The following SEMA6B variants were observed in gnomAD, a reference collection of about 807,000 sequenced individuals.
The protein encoded by SEMA6B is semaphorin 6B.
In SEMA6B, 47 loss-of-function variants were observed where a neutral mutation model predicts 78.6. The ratio of observed to expected loss-of-function variants is 0.60; its 90% CI spans 0.47 to 0.76. The LOEUF is 0.76. Among genes scored for constraint, SEMA6B ranks in the 30% least tolerant of loss-of-function variants. The probability of loss-of-function intolerance (pLI) is 0.00; values close to 1 mark genes in which losing one functional copy is unlikely to be tolerated. For missense variants in SEMA6B, 1,213 were observed against 1,269.9 expected (o/e 0.96, Z 0.68); for synonymous variants, 632 against 592.2 (o/e 1.07, Z -0.98).
Position 4,550,402 on chromosome 19 carries a change from T to A in SEMA6B, c.1122-130A>T. On this transcript the variant is annotated intron_variant, in intron 11 of 16. Transcript: ENST00000586582. This position sits in a 1 kb window ranked among gnomAD's most constrained non-coding sequence, Gnocchi z 6.6. ...TGTTTGTTTTGTTTTTGAGACAGAG[T>A]CTCAATCTGTCGCCCAGGCTGGAGT... is the stretch of plus-strand genomic sequence containing the variant. The A allele has an allele frequency of 1.0e-6, 1 of 987,976 alleles. No individual in the cohort carries two copies. Among genetic ancestry groups the A allele is most frequent in the Non-Finnish European group, 1.5e-6 (1 of 671,244 alleles). The allele number at this position is 987,976 out of a possible 1,614,324, so 61.2% of individuals were successfully genotyped here.
In SEMA6B at chr19:4,544,244, A is replaced by G; in HGVS notation, c.2024T>C (p.Val675Ala). ...RGGGGGGGAG[V>A]PPEALLAPLM... ...GGGCGCCAGCAGGGCCTCCGGGGGAACCCCGGCGCCACCGCCACCGCCTCC... is the reference window on the plus strand; with the variant it reads ...GGGCGCCAGCAGGGCCTCCGGGGGAGCCCCGGCGCCACCGCCACCGCCTCC... Residue 675 changes from valine (V) to alanine (A), a missense_variant, in exon 17 of 17, where the codon GTT (valine) becomes GCT (alanine). Physicochemically the swap from Val to Ala is moderately conservative, Grantham distance 64. Coordinates refer to ENST00000586582, the MANE Select transcript of SEMA6B (RefSeq NM_032108.4). This position sits in a 1 kb window ranked among gnomAD's most constrained non-coding sequence, Gnocchi z 5.1. The G allele has an allele frequency of 7.8e-7, 1 of 1,276,742 alleles. No individual in the cohort carries two copies. Among genetic ancestry groups the G allele is most frequent in the Non-Finnish European group, 9.8e-7 (1 of 1,015,230 alleles). 79.1% of individuals were successfully genotyped at this position (1,276,742 alleles called of 1,614,324 possible).
Position 4,557,202 on chromosome 19 carries a change from C to G in SEMA6B, c.267G>C (p.Glu89Asp), listed in dbSNP as rs767384205. 1.3e-5 allele frequency: 21 copies of G among 1,599,964 alleles called. No individual in the cohort carries two copies. The highest frequency in any genetic ancestry group is 1.8e-5 in the Non-Finnish European group (21 of 1,172,764). ...IGDRDNLYRV[E>D]LEPPTSTELR... ...GCTCCGTGGACGTGGGGGGCTCCAG[C>G]TCTACGCGGTAGAGGTTGTCCCTGG... Residue 89 changes from glutamate (E) to aspartate (D), a missense_variant, in exon 4 of 17, where the codon GAG becomes GAC. Physicochemically the swap from Glu to Asp is conservative, Grantham distance 45. Transcript: ENST00000586582.
intron 9 of SEMA6B, among the ~76,000 whole-genome samples, chr19:4,553,905 C>T (rs1236410216): frequency 6.7e-6 from 1 of 150,162 alleles, no homozygotes; most frequent in Admixed American, 6.6e-5. Context: ...GGAAGGGTGG[C>T]TAGATGAATC....
intron 5 of SEMA6B, 116 bp downstream of exon 5, chr19:4,556,835 G>A: frequency 6.6e-6 from 6 of 913,808 alleles, no homozygotes; most frequent in Non-Finnish European, 1.0e-5. Context: ...GATTGGGGGT[G>A]GGTTGGGGCG....
Position 4,542,782 on chromosome 19 carries a change from C to T in SEMA6B, c.*819G>A. 1.4e-6 allele frequency: 1 copy of T among 700,762 alleles called. No individual in the cohort carries two copies. The highest frequency in any genetic ancestry group is 2.6e-6 in the Non-Finnish European group (1 of 384,556). 43.4% of individuals were successfully genotyped at this position (700,762 alleles called of 1,614,324 possible). A position where few individuals can be genotyped will look rare whatever the true frequency, so the allele number is the denominator to read the frequency against. On this transcript the variant is annotated 3_prime_UTR_variant, in exon 17 of 17. Coordinates refer to ENST00000586582, the MANE Select transcript of SEMA6B (RefSeq NM_032108.4). ...CGTATTTACAGAGGGGCCCCACCCA[C>T]CTTCGCCGCCCCCCAGGCCCCCAAG...
At chr19:4,553,179 G>T (rs984766571) in intron 9 of SEMA6B, among the ~76,000 whole-genome samples, 1 of 152,232 alleles carries the variant, frequency 6.6e-6, no homozygotes, top group African/African-American at 2.4e-5. Flanking sequence ...GGAGAACAAG[G>T]TAATCAAGCA....
In SEMA6B at chr19:4,559,653, G is replaced by A. The variant is rs1470767783; in HGVS notation, c.-156C>T. 6.6e-6 allele frequency: 1 copy of A among 152,228 alleles called. No individual in the cohort carries two copies. The highest frequency in any genetic ancestry group is 2.4e-5 in the African/African-American group (1 of 41,450). 9.4% of individuals were successfully genotyped at this position (152,228 alleles called of 1,614,324 possible). On this transcript the variant is annotated 5_prime_UTR_variant, in exon 1 of 17. Transcript: ENST00000586582. The stretch of plus-strand genomic sequence containing the variant: ...GTCTGAGCAGCAGGGGTATCCCCCA[G>A]CCCTGCCCTGGCCTTCTGGCTCAGG...
At chr19:4,557,735 C>A (rs2145360575) in intron 3 of SEMA6B, among the ~76,000 whole-genome samples, 1 of 152,326 alleles carries the variant, frequency 6.6e-6, no homozygotes, top group African/African-American at 2.4e-5. Flanking sequence ...CATAGCCAGC[C>A]TGGACAGCCC....
chr19:4,558,076 G>C lies in SEMA6B; in HGVS notation c.195C>G (p.Leu65=). The C allele has an allele frequency of 6.5e-7, 1 of 1,526,948 alleles. No individual in the cohort carries two copies. The highest frequency in any genetic ancestry group is 8.9e-7 in the Non-Finnish European group (1 of 1,128,710). 94.6% of individuals were successfully genotyped at this position (1,526,948 alleles called of 1,614,324 possible). A position where few individuals can be genotyped will look rare whatever the true frequency, so the allele number is the denominator to read the frequency against. The part of the protein sequence containing the change: ...RLTPAEGADD[L]NIQRVLRVNR... ...TGACCCGCAGGACTCGCTGGATGTTGAGGTCGTCAGCACCTTCTGCGGGGG... is the reference window on the plus strand; with the variant it reads ...TGACCCGCAGGACTCGCTGGATGTTCAGGTCGTCAGCACCTTCTGCGGGGG... Residue 65 remains leucine, a synonymous_variant, in exon 3 of 17, where the codon CTC becomes CTG. Coordinates refer to ENST00000586582, the MANE Select transcript of SEMA6B (RefSeq NM_032108.4). This position sits in a 1 kb window ranked among gnomAD's most constrained non-coding sequence, Gnocchi z 5.1.
rs528248825 is a variant in SEMA6B at position 4,552,292 on chromosome 19, G to A, written c.989+130C>T. On this transcript the variant is annotated intron_variant, in intron 10 of 16. Coordinates refer to ENST00000586582, the MANE Select transcript of SEMA6B (RefSeq NM_032108.4). The surrounding 1 kb of genome is among the most constrained non-coding windows in gnomAD (Gnocchi z 7.4). ...GCTTGTCCCACCCCAGCCTGGGGCC[G>A]AGGCCTCTCAGAGGTCTAATCCAGT... 69 of 890,220 alleles carry A rather than the reference G, an allele frequency of 7.8e-5. No individual in the cohort carries two copies. Among genetic ancestry groups the A allele is most frequent in the African/African-American group, 4.4e-4 (26 of 59,066 alleles). The allele number at this position is 890,220 out of a possible 1,614,324, so 55.1% of individuals were successfully genotyped here. A position where few individuals can be genotyped will look rare whatever the true frequency, so the allele number is the denominator to read the frequency against.
rs777069574 is a variant in SEMA6B at position 4,552,433 on chromosome 19, C to T, written c.978G>A (p.Thr326=). ...GRPVVLAVFS[T]PSNSIPGSAV... ...TGGTGGGCGCTGACCTGTTGCTGGG[C>T]GTGGAAAAAACGGCCAGGACCACGG... Residue 326 remains threonine (T), a synonymous_variant, in exon 10 of 17, where the codon ACG becomes ACA. Transcript: ENST00000586582. The surrounding 1 kb of genome is among the most constrained non-coding windows in gnomAD (Gnocchi z 7.4). 17 of 1,584,484 alleles carry T rather than the reference C, an allele frequency of 1.1e-5. No individual in the cohort carries two copies. Among genetic ancestry groups the T allele is most frequent in the East Asian group, 9.3e-5 (4 of 43,240 alleles).
intron 9 of SEMA6B, among the ~76,000 whole-genome samples, chr19:4,553,173 A>G (rs4807604): frequency 0.56 from 85,542 of 152,128 alleles, 24,671 homozygotes; most frequent in East Asian, 0.76. Context: ...GGTGAAGGAG[A>G]ACAAGGTAAT....
At chr19:4,553,708 GTGGA>G (rs756222634) in intron 9 of SEMA6B, among the ~76,000 whole-genome samples, 31 of 102,892 alleles carry the variant, frequency 3.0e-4, no homozygotes, top group African/African-American at 7.0e-4. Flanking sequence ...GGATGGATGT[GTGGA>G]TGGATGGATG....
intron 14 of SEMA6B, 87 bp downstream of exon 14, chr19:4,547,940 T>A (rs1284377822): frequency 1.4e-6 from 2 of 1,426,864 alleles, no homozygotes; most frequent in Non-Finnish European, 1.8e-6. Context: ...AGGACATCAT[T>A]GGGCTTTTGA....
At chr19:4,556,909 G>T (rs1977486589) in intron 5 of SEMA6B, 42 bp downstream of exon 5, 3 of 1,580,514 alleles carry the variant, frequency 1.9e-6, no homozygotes, top group Non-Finnish European at 2.6e-6. Flanking sequence ...GTAATGCCAG[G>T]GCTGATTCGC....
Position 4,552,059 on chromosome 19 carries a change from G to A in SEMA6B, c.989+363C>T, listed in dbSNP as rs2145353768. On this transcript the variant is annotated intron_variant, in intron 10 of 16. Coordinates refer to ENST00000586582, the MANE Select transcript of SEMA6B (RefSeq NM_032108.4). This position sits in a 1 kb window ranked among gnomAD's most constrained non-coding sequence, Gnocchi z 7.4. ...CACAGACTCTCTCACGATTACTTAA[G>A]TATACTGAACTCACTGAAGCCTCAG... Among the ~76,000 whole-genome samples the A allele has an allele frequency of 6.6e-6, 1 of 152,182 alleles. No individual in the cohort carries two copies. Among genetic ancestry groups the A allele is most frequent in the Non-Finnish European group, 1.5e-5 (1 of 68,008 alleles).
Position 4,550,072 on chromosome 19 carries a change from A to G in SEMA6B, c.1271+51T>C, listed in dbSNP as rs1239159984. 3.8e-6 allele frequency: 6 copies of G among 1,592,138 alleles called. No homozygotes were observed. Among genetic ancestry groups the G allele is most frequent in the Non-Finnish European group, 5.2e-6 (6 of 1,164,504 alleles). ...GAGCATCTGGATCCTCTCACCCTCC[A>G]TCTACCCCATCCTGTCTCCCCTCGC... is the stretch of plus-strand genomic sequence containing the variant. On this transcript the variant is annotated intron_variant, in intron 12 of 16. Coordinates refer to ENST00000586582, the MANE Select transcript of SEMA6B (RefSeq NM_032108.4). This position sits in a 1 kb window ranked among gnomAD's most constrained non-coding sequence, Gnocchi z 6.6.
chr19:4,559,093 C>T (rs1001074682), intron 1 of SEMA6B, among the ~76,000 whole-genome samples: 1 of 150,826 alleles, frequency 6.6e-6, no homozygotes, highest in Non-Finnish European at 1.5e-5. Flanking sequence ...TACTGGAGAG[C>T]TGAGGCAGGA....
intron 14 of SEMA6B, among the ~76,000 whole-genome samples, chr19:4,547,708 C>T (rs1977204947): frequency 6.6e-6 from 1 of 152,204 alleles, no homozygotes; most frequent in South Asian, 2.1e-4. Flanking sequence ...TGGCTCCCAT[C>T]TCCTTCAAGG....
Sources: gnomAD v4.1 joint callset for allele counts (sites outside exome capture counted in the v4.1 genomes callset) on GRCh38, gnomAD v4.1.1 for gene constraint, Gnocchi (gnomAD v3.1) non-coding constraint, MANE v1.5 for transcripts, NCBI Gene and HGNC (gene_info 2026-07-23, HGNC 2026-07-21) for gene names.